Variants in CSMD1 observed in about 807,000 individuals in gnomAD.
CSMD1 encodes CUB and sushi domain-containing protein 1.
Under a neutral mutation model 417.5 loss-of-function variants are expected in CSMD1, and 213 were observed. The observed-to-expected ratio is 0.51, with a 90% CI of 0.46 to 0.57. CSMD1 has a LOEUF of 0.57. Among genes scored for constraint, CSMD1 ranks in the 20% least tolerant of loss-of-function variants. The pLI, the probability that CSMD1 is intolerant of heterozygous loss-of-function variation, is 0.00. For synonymous variants in CSMD1, 2,862 were observed against 1,736.8 expected, an observed-to-expected ratio of 1.65 and a Z score of -16.11; for missense variants, 6,923 against 4,529.7, an observed-to-expected ratio of 1.53 and a Z score of -15.17.
At chr8:4,293,779 A>T (rs1381723952) in intron 3 of CSMD1, among the ~76,000 whole-genome samples, 1 of 152,208 alleles carries the variant, frequency 6.6e-6, no homozygotes, top group Non-Finnish European at 1.5e-5. Context: ...GGTACAAATA[A>T]AACAAGGAAC....
intron 28 of CSMD1, among the ~76,000 whole-genome samples, chr8:3,220,307 A>G (rs949103665): frequency 6.6e-6 from 1 of 151,380 alleles, no homozygotes; most frequent in Admixed American, 6.6e-5. Context: ...CACTTTCTCC[A>G]TTTTTCTGTT....
chr8:3,480,932 G>A (rs569795999), intron 11 of CSMD1, among the ~76,000 whole-genome samples: 30 of 151,888 alleles, frequency 2.0e-4, no homozygotes, highest in Non-Finnish European at 3.2e-4. Flanking sequence ...CGAGGTGAGC[G>A]GATCACAAGG....
intron 1 of CSMD1, among the ~76,000 whole-genome samples, chr8:4,916,769 G>C (rs1806091880): frequency 6.6e-6 from 1 of 152,202 alleles, no homozygotes; most frequent in Non-Finnish European, 1.5e-5. Context: ...TTTTAACAAA[G>C]TGACAGCTAG....
intron 3 of CSMD1, among the ~76,000 whole-genome samples, chr8:4,238,018 C>T (rs973157404): frequency 1.4e-4 from 21 of 152,148 alleles, no homozygotes; most frequent in African/African-American, 3.1e-4. Flanking sequence ...GGACGAACCA[C>T]ATCATGTGCT....
At chr8:3,092,285 T>C (rs902987015) in intron 47 of CSMD1, among the ~76,000 whole-genome samples, 1 of 152,158 alleles carries the variant, frequency 6.6e-6, no homozygotes, top group African/African-American at 2.4e-5. Context: ...CATATCCACA[T>C]AGGTAATTCT....
At chr8:4,881,487 C>A (rs1169316876) in intron 1 of CSMD1, among the ~76,000 whole-genome samples, 2 of 150,076 alleles carry the variant, frequency 1.3e-5, no homozygotes, top group Admixed American at 6.6e-5. Flanking sequence ...TGCAATAAAC[C>A]CTTGCCTATA....
chr8:4,669,562 C>T (rs995460536), intron 1 of CSMD1, among the ~76,000 whole-genome samples: 1 of 152,080 alleles, frequency 6.6e-6, no homozygotes, highest in African/African-American at 2.4e-5. Context: ...GATTTTTTTA[C>T]CCATCTCCAG....
intron 41 of CSMD1, among the ~76,000 whole-genome samples, chr8:3,129,986 A>G (rs1256367578): frequency 6.6e-6 from 1 of 152,148 alleles, no homozygotes; most frequent in Non-Finnish European, 1.5e-5. Flanking sequence ...GTCCCAAAAA[A>G]AAAAGAAAAG....
chr8:3,259,903 C>T (rs181533487), intron 26 of CSMD1, among the ~76,000 whole-genome samples: 3 of 152,222 alleles, frequency 2.0e-5, no homozygotes, highest in Admixed American at 2.0e-4. Flanking sequence ...TCAAACACAT[C>T]TCTGACCACT....
Position 3,633,094 on chromosome 8 carries a change from G to A in CSMD1, c.1010-16297C>T, listed in dbSNP as rs73661603. 6.0e-3 allele frequency among the ~76,000 whole-genome samples: 919 copies of A among 152,290 alleles called. 13 individuals carry two copies. Among genetic ancestry groups the A allele is most frequent in the African/African-American group, 0.021 (866 of 41,552 alleles). On this transcript the variant is annotated intron_variant, in intron 7 of 69. Coordinates refer to ENST00000635120, the MANE Select transcript of CSMD1 (RefSeq NM_033225.6). Reference sequence around the variant, plus strand: ...AACACTAATTTATTAAATAGTTGCTGACGTCATTGTTTTAACATTTATTTC... The same window carrying A: ...AACACTAATTTATTAAATAGTTGCTAACGTCATTGTTTTAACATTTATTTC...
intron 7 of CSMD1, among the ~76,000 whole-genome samples, chr8:3,631,758 T>A (rs964612032): frequency 2.0e-5 from 3 of 152,218 alleles, no homozygotes; most frequent in Non-Finnish European, 4.4e-5. Context: ...AATAAAGCGC[T>A]CTCAAAGGAT....
At chr8:4,732,986 T>C (rs1243597910) in intron 1 of CSMD1, among the ~76,000 whole-genome samples, 1 of 151,906 alleles carries the variant, frequency 6.6e-6, no homozygotes, top group Non-Finnish European at 1.5e-5. Context: ...CACAAATCTC[T>C]AGGGCTACGC....
At position 4,338,162 on chromosome 8, in the gene CSMD1, T is replaced by G. The variant is rs149732719; in HGVS notation, c.415+81791A>C. Among the ~76,000 whole-genome samples the G allele has an allele frequency of 2.0e-4, 30 of 152,242 alleles. 1 individual carries two copies. The East Asian group carries it at 5.4e-3, about 28-fold the overall frequency. ...TATTCCAAAGCATGGTAGTAGAGAA[T>G]TACAAAAATATTGGTACTAATGCAA... On this transcript the variant is annotated intron_variant, in intron 3 of 69. Coordinates refer to ENST00000635120, the MANE Select transcript of CSMD1 (RefSeq NM_033225.6).
At chr8:4,196,592 C>G (rs1398586697) in intron 3 of CSMD1, among the ~76,000 whole-genome samples, 2 of 152,168 alleles carry the variant, frequency 1.3e-5, no homozygotes, top group African/African-American at 4.8e-5. Flanking sequence ...TCTCTGGGGT[C>G]ATAGCCTTCT....
At chr8:3,846,685 T>G (rs768658322) in intron 5 of CSMD1, among the ~76,000 whole-genome samples, 3 of 152,196 alleles carry the variant, frequency 2.0e-5, no homozygotes, top group Non-Finnish European at 4.4e-5. Flanking sequence ...TGAGATGGAG[T>G]TTCTCTCTGT....
intron 3 of CSMD1, among the ~76,000 whole-genome samples, chr8:4,130,902 T>C (rs922570714): frequency 5.3e-5 from 8 of 151,844 alleles, no homozygotes; most frequent in Non-Finnish European, 1.0e-4. Flanking sequence ...GAACAATGCA[T>C]TGGATGGACG....
chr8:4,527,811 G>A (rs1339932720), intron 2 of CSMD1, among the ~76,000 whole-genome samples: 2 of 152,156 alleles, frequency 1.3e-5, no homozygotes, highest in Non-Finnish European at 2.9e-5. Context: ...GTCTAATGCA[G>A]AAGTTAGAAA....
chr8:4,894,851 G>A (rs915283321), intron 1 of CSMD1, among the ~76,000 whole-genome samples: 2 of 152,018 alleles, frequency 1.3e-5, no homozygotes, highest in African/African-American at 2.4e-5. Context: ...TTTTATTAAG[G>A]TTCTCTGTGT....
intron 49 of CSMD1, among the ~76,000 whole-genome samples, chr8:3,056,828 T>A (rs1187046187): frequency 2.6e-5 from 4 of 151,910 alleles, no homozygotes; most frequent in Non-Finnish European, 1.5e-5. Context: ...AATTTTTTAT[T>A]AAAATTATAT....
Sources: gnomAD v4.1 joint callset for allele counts (sites outside exome capture counted in the v4.1 genomes callset) on GRCh38, gnomAD v4.1.1 for gene constraint, MANE v1.5 for transcripts, NCBI Gene and HGNC (gene_info 2026-07-23, HGNC 2026-07-21) for gene names.